Variants in STXBP6 observed in about 807,000 individuals in gnomAD.
The protein encoded by STXBP6 is syntaxin binding protein 6, also known as syntaxin-binding protein 6.
Under a neutral mutation model 26.9 loss-of-function variants are expected in STXBP6, and 21 were observed. That is an observed-to-expected ratio of 0.78 (90% CI 0.55 to 1.12). STXBP6 has a LOEUF of 1.12. Among genes scored for constraint, STXBP6 ranks in the 50% most tolerant of loss-of-function variants. STXBP6 has a pLI of 0.00. For missense variants in STXBP6, 232 were observed against 257.9 expected (o/e 0.90, Z 0.69); for synonymous variants, 97 against 92.6 (o/e 1.05, Z -0.27).
chr14:24,832,345 T>A (rs894639366), intron 4 of STXBP6, among the ~76,000 whole-genome samples: 1 of 152,218 alleles, frequency 6.6e-6, no homozygotes, highest in Non-Finnish European at 1.5e-5. Context: ...AGCTTGAGCA[T>A]CACTTATTGT....
At chr14:25,010,130 G>A (rs760476580) in intron 1 of STXBP6, among the ~76,000 whole-genome samples, 6 of 152,196 alleles carry the variant, frequency 3.9e-5, no homozygotes, top group Non-Finnish European at 8.8e-5. Context: ...GGAATTCTGA[G>A]TTCTCACCAT....
At chr14:24,880,618 T>C (rs959034209) in intron 2 of STXBP6, among the ~76,000 whole-genome samples, 4 of 152,006 alleles carry the variant, frequency 2.6e-5, no homozygotes, top group African/African-American at 9.7e-5. Context: ...GTATTGAAAA[T>C]GAAAGGTAAA....
chr14:24,849,269 T>C (rs767171791), intron 4 of STXBP6, among the ~76,000 whole-genome samples: 2 of 152,110 alleles, frequency 1.3e-5, no homozygotes, highest in African/African-American at 4.8e-5. Flanking sequence ...TTGGCTGCAA[T>C]GAGGAGGATG....
chr14:24,925,064 C>T (rs2072113559), intron 2 of STXBP6, among the ~76,000 whole-genome samples: 1 of 152,192 alleles, frequency 6.6e-6, no homozygotes, highest in Admixed American at 6.5e-5. Flanking sequence ...TGATAAACTA[C>T]TCAGTCACAA....
chr14:25,003,681 T>C (rs931815829), intron 1 of STXBP6, among the ~76,000 whole-genome samples: 1 of 152,232 alleles, frequency 6.6e-6, no homozygotes, highest in Non-Finnish European at 1.5e-5. Flanking sequence ...TAAGTACCTT[T>C]TGGATCACAT....
intron 2 of STXBP6, among the ~76,000 whole-genome samples, chr14:24,923,204 C>T (rs1163859543): frequency 6.6e-6 from 1 of 152,108 alleles, no homozygotes; most frequent in Admixed American, 6.6e-5. Context: ...TCCTACACAA[C>T]ATAACAATTT....
At chr14:24,897,826 A>C (rs1318387521) in intron 2 of STXBP6, among the ~76,000 whole-genome samples, 2 of 152,134 alleles carry the variant, frequency 1.3e-5, no homozygotes, top group African/African-American at 4.8e-5. Context: ...TGACCACTTA[A>C]TTGCTGTGGT....
chr14:24,852,360 T>C (rs1370994235), intron 4 of STXBP6, among the ~76,000 whole-genome samples: 2 of 152,170 alleles, frequency 1.3e-5, no homozygotes, highest in East Asian at 3.9e-4. Flanking sequence ...ACATAAGCAA[T>C]CTCACACGTC....
intron 4 of STXBP6, among the ~76,000 whole-genome samples, chr14:24,836,771 A>C (rs1173446815): frequency 2.0e-5 from 3 of 152,188 alleles, no homozygotes; most frequent in Admixed American, 1.3e-4. Context: ...ATGGAAAAAG[A>C]GATTTTTCTT....
intron 2 of STXBP6, among the ~76,000 whole-genome samples, chr14:24,933,710 C>T (rs1199875688): frequency 6.6e-6 from 1 of 151,896 alleles, no homozygotes; most frequent in Admixed American, 6.5e-5. Context: ...TACTTGAATA[C>T]CAAATTTTGT....
chr14:24,857,066 G>C lies in STXBP6; in HGVS notation c.246C>G (p.Leu82=), dbSNP rs374634547. ...TSFVRRSQWM[L]EQLRQVNGID... is the part of the protein sequence containing the mutation. Reference sequence around the variant, plus strand: ...TACCATTAACCTGGCGAAGCTGCTCGAGCATCCACTGTGATCTCCGAACAA... The same window carrying C: ...TACCATTAACCTGGCGAAGCTGCTCCAGCATCCACTGTGATCTCCGAACAA... The change falls in exon 3 of 6, where the codon CTC becomes CTG. Residue 82 remains leucine, a synonymous_variant. Transcript: ENST00000323944. 2 of 1,612,986 alleles carry C rather than the reference G, an allele frequency of 1.2e-6. No homozygotes were observed. Among genetic ancestry groups the C allele is most frequent in the South Asian group, 2.2e-5 (2 of 91,040 alleles).
At chr14:24,998,975 T>A (rs558302320) in intron 1 of STXBP6, among the ~76,000 whole-genome samples, 57 of 152,114 alleles carry the variant, frequency 3.7e-4, no homozygotes, top group Non-Finnish European at 7.5e-4. Flanking sequence ...CTCAAACCAG[T>A]GAACACATAT....
At chr14:24,987,271 GTT>G (rs139883730) in intron 1 of STXBP6, among the ~76,000 whole-genome samples, 56,326 of 152,020 alleles carry the variant, frequency 0.37, 13,092 homozygotes, top group African/African-American at 0.67. Context: ...GTGACAAGAA[GTT>G]TTTACATTTG....
intron 2 of STXBP6, among the ~76,000 whole-genome samples, chr14:24,928,614 A>G (rs1182048865): frequency 6.6e-6 from 1 of 152,170 alleles, no homozygotes; most frequent in Non-Finnish European, 1.5e-5. Flanking sequence ...TCAGATACTG[A>G]TAAACCTAAA....
intron 4 of STXBP6, among the ~76,000 whole-genome samples, chr14:24,848,740 T>A (rs1041655260): frequency 4.6e-5 from 7 of 152,144 alleles, no homozygotes; most frequent in Non-Finnish European, 1.5e-5. Flanking sequence ...GTCATTTATA[T>A]CACACACAGA....
intron 4 of STXBP6, among the ~76,000 whole-genome samples, chr14:24,834,960 C>T (rs2068568695): frequency 6.6e-6 from 1 of 152,178 alleles, no homozygotes; most frequent in Admixed American, 6.5e-5. Context: ...TTTGGCAGAA[C>T]TAGTGCTAGG....
chr14:24,838,450 C>G (rs1288413310), intron 4 of STXBP6, among the ~76,000 whole-genome samples: 1 of 152,078 alleles, frequency 6.6e-6, no homozygotes, highest in East Asian at 1.9e-4. Context: ...CTTTGGGAGG[C>G]CAAGGCCAGT....
At chr14:24,926,945 A>AAT (rs2072196622) in intron 2 of STXBP6, among the ~76,000 whole-genome samples, 1 of 152,150 alleles carries the variant, frequency 6.6e-6, no homozygotes, top group East Asian at 1.9e-4. Context: ...ATTTAAAAAA[A>AAT]AAATAAAGTT....
chr14:24,839,991 T>C (rs979957364), intron 4 of STXBP6, among the ~76,000 whole-genome samples: 1 of 152,180 alleles, frequency 6.6e-6, no homozygotes. Flanking sequence ...CCTTATCATG[T>C]GATATGTTTT....
Sources: allele counts gnomAD v4.1 joint callset (sites outside exome capture counted in the v4.1 genomes callset), GRCh38; gene constraint gnomAD v4.1.1; transcripts MANE v1.5; gene names NCBI Gene and HGNC (gene_info 2026-07-23, HGNC 2026-07-21).